CDNF: variants seen among roughly 807,000 people sequenced by gnomAD.
CDNF encodes the protein cerebral dopamine neurotrophic factor.
Under a neutral mutation model 14.8 loss-of-function variants are expected in CDNF, and 9 were observed. The ratio of observed to expected loss-of-function variants is 0.61; its 90% CI spans 0.37 to 1.06. The LOEUF is 1.06. CDNF is among the 50% of genes least tolerant of loss of function. CDNF has a pLI of 0.01. For missense variants in CDNF, 228 were observed against 228.4 expected, an observed-to-expected ratio of 1.00 and a Z score of 0.01; for synonymous variants, 86 against 87.2, an observed-to-expected ratio of 0.99 and a Z score of 0.07.
intron 1 of CDNF, among the ~76,000 whole-genome samples, chr10:14,829,819 G>A (rs1370417584): frequency 1.3e-5 from 2 of 151,958 alleles, no homozygotes; most frequent in East Asian, 1.9e-4. Context: ...CAGTAGATAC[G>A]AGGTTTCACC....
At chr10:14,825,777 T>A (rs1208825886) in intron 2 of CDNF, among the ~76,000 whole-genome samples, 157 bp from the exon 3 acceptor site, 2 of 151,814 alleles carry the variant, frequency 1.3e-5, no homozygotes, top group Non-Finnish European at 2.9e-5. Context: ...GGAGGGCAGA[T>A]CATTTGAGGT....
chr10:14,826,038 A>G (rs1401095387), intron 2 of CDNF, among the ~76,000 whole-genome samples: 3,585 of 78,384 alleles, frequency 0.046, 102 homozygotes, highest in South Asian at 0.088. Context: ...GGAGAAGAAG[A>G]AGAAGAAGAA....
intron 2 of CDNF, among the ~76,000 whole-genome samples, chr10:14,826,468 C>CAGA (rs1186133324): frequency 7.4e-6 from 1 of 134,474 alleles, no homozygotes; most frequent in Non-Finnish European, 1.5e-5. Flanking sequence ...AAGAAAGAAG[C>CAGA]AGAAGAAGAA....
chr10:14,822,951 C>A (rs996517110), intron 3 of CDNF, among the ~76,000 whole-genome samples: 30 of 152,280 alleles, frequency 2.0e-4, no homozygotes, highest in Middle Eastern at 3.4e-3. Context: ...TCTTTCAGGT[C>A]AAAAACCAAA....
In CDNF at chr10:14,820,019, G is replaced by T; in HGVS notation, c.525C>A (p.Ala175=). The T allele has an allele frequency of 6.2e-7, 1 of 1,614,004 alleles. No individual in the cohort carries two copies. The highest frequency in any genetic ancestry group is 8.5e-7 in the Non-Finnish European group (1 of 1,180,034). Residue 175 remains alanine, a synonymous_variant, in exon 4 of 4, where the codon GCC becomes GCA. Transcript: ENST00000465530. ...TGGGGTGTGTCGCTGCATACTTGGG[G>T]GCCAGCTCTTGAATGAGATTCACAT... is the stretch of plus-strand genomic sequence containing the variant. ...TDYVNLIQEL[A]PKYAATHPKT...
intron 1 of CDNF, among the ~76,000 whole-genome samples, chr10:14,833,536 A>C (rs1422989662): frequency 1.3e-5 from 2 of 152,216 alleles, no homozygotes; most frequent in African/African-American, 4.8e-5. Flanking sequence ...GAAGATATAT[A>C]GATATAGATT....
intron 1 of CDNF, among the ~76,000 whole-genome samples, chr10:14,835,975 T>G (rs1833882549): frequency 6.6e-6 from 1 of 152,238 alleles, no homozygotes. Flanking sequence ...GCCAGAAATA[T>G]GAATTTTTAC....
intron 3 of CDNF, among the ~76,000 whole-genome samples, chr10:14,824,864 T>C (rs1238689523): frequency 6.6e-6 from 1 of 152,084 alleles, no homozygotes; most frequent in Non-Finnish European, 1.5e-5. Flanking sequence ...TCACCAGGAG[T>C]AGCTGCTCTC....
intron 3 of CDNF, among the ~76,000 whole-genome samples, chr10:14,823,681 C>T (rs1833756393): frequency 6.6e-6 from 1 of 152,154 alleles, no homozygotes; most frequent in South Asian, 2.1e-4. Flanking sequence ...GCGCTCAACA[C>T]CACACCTGGC....
chr10:14,823,584 T>C (rs1024462636), intron 3 of CDNF, among the ~76,000 whole-genome samples: 2 of 152,186 alleles, frequency 1.3e-5, no homozygotes, highest in Non-Finnish European at 2.9e-5. Flanking sequence ...TGGAGTACAG[T>C]GAAAAAAATC....
intron 2 of CDNF, among the ~76,000 whole-genome samples, chr10:14,826,157 G>C: frequency 6.6e-6 from 1 of 151,080 alleles, no homozygotes; most frequent in African/African-American, 2.4e-5. Context: ...AGGAGAAGAA[G>C]AAGAAGAAGC....
chr10:14,824,340 T>G (rs939903276), intron 3 of CDNF, among the ~76,000 whole-genome samples: 1 of 152,188 alleles, frequency 6.6e-6, no homozygotes, highest in African/African-American at 2.4e-5. Flanking sequence ...GCATGGTGGC[T>G]TACGCCTGTC....
At chr10:14,826,095 A>AAGAAGAAGAAGAAGCAGCAGC (rs1426555042) in intron 2 of CDNF, among the ~76,000 whole-genome samples, 2 of 87,542 alleles carry the variant, frequency 2.3e-5, no homozygotes, top group Admixed American at 1.1e-4. Context: ...GAAGAAGAAG[A>AAGAAGAAGAAGAAGCAGCAGC]AGCAGCAGCA....
rs948231254 is a variant in CDNF at position 14,819,813 on chromosome 10, T to C, written c.*167A>G. 1.3e-4 allele frequency: 85 copies of C among 642,814 alleles called. No homozygotes were observed. In the African/African-American group the frequency reaches 1.4e-3, roughly 11 times the overall value. The allele number at this position is 642,814 out of a possible 1,614,324, so 39.8% of individuals were successfully genotyped here. On this transcript the variant is annotated 3_prime_UTR_variant, in exon 4 of 4. Coordinates refer to ENST00000465530, the MANE Select transcript of CDNF (RefSeq NM_001029954.3). ...TGCAAATGTAAGTTATCAGTAGTAT[T>C]AGTTTCACTCATAAACCCACGTAAC...
intron 1 of CDNF, 139 bp from the exon 2 acceptor site, chr10:14,828,411 G>C: frequency 4.3e-6 from 3 of 702,172 alleles, no homozygotes; most frequent in Non-Finnish European, 7.1e-6. Flanking sequence ...CACTTTGAGA[G>C]GCTGAGGTGG....
intron 1 of CDNF, among the ~76,000 whole-genome samples, chr10:14,830,123 A>C (rs1833833001): frequency 6.6e-6 from 1 of 152,248 alleles, no homozygotes; most frequent in Admixed American, 6.5e-5. Flanking sequence ...AAGGGCAACT[A>C]GCCAGGCACT....
At chr10:14,835,724 A>T (rs1044493454) in intron 1 of CDNF, among the ~76,000 whole-genome samples, 1 of 152,238 alleles carries the variant, frequency 6.6e-6, no homozygotes, top group Non-Finnish European at 1.5e-5. Flanking sequence ...TTTAAAAGAG[A>T]TTTGGAAATA....
Position 14,834,770 on chromosome 10 carries a change from T to C in CDNF, c.115+3062A>G, listed in dbSNP as rs542607295. On this transcript the variant is annotated intron_variant, in intron 1 of 3. Coordinates refer to ENST00000465530, the MANE Select transcript of CDNF (RefSeq NM_001029954.3). ...TGTGGGAAAACAAAGGAGCGGCACC[T>C]GGAGGAAACTGGGAAACTGCTGAAA... is the stretch of plus-strand genomic sequence containing the variant. Among the ~76,000 whole-genome samples, 6 of 152,216 alleles carry C rather than the reference T, an allele frequency of 3.9e-5. No homozygotes were observed. In the South Asian group the frequency reaches 1.2e-3, roughly 32 times the overall value.
At chr10:14,826,092 AAGAAGCAGCAGCAGC>A (rs1177227048) in intron 2 of CDNF, among the ~76,000 whole-genome samples, 22 of 111,074 alleles carry the variant, frequency 2.0e-4, no homozygotes, top group Non-Finnish European at 3.6e-4. Flanking sequence ...GAAGAAGAAG[AAGAAGCAGCAGCAGC>A]AGCAGCAGCA....
Sources: gnomAD v4.1 joint callset for allele counts (sites outside exome capture counted in the v4.1 genomes callset) on GRCh38, gnomAD v4.1.1 for gene constraint, MANE v1.5 for transcripts, NCBI Gene and HGNC (gene_info 2026-07-23, HGNC 2026-07-21) for gene names.